Variants in CREB5 observed in about 807,000 individuals in gnomAD.
The protein encoded by CREB5 is cyclic AMP-responsive element-binding protein 5.
A neutral mutation model predicts 57.1 loss-of-function variants in CREB5; 19 were observed. The ratio of observed to expected loss-of-function variants is 0.33; its 90% CI spans 0.23 to 0.49. CREB5 has a LOEUF of 0.49. CREB5 is among the 20% of genes least tolerant of loss of function. The probability of loss-of-function intolerance (pLI) is 0.99; values close to 1 mark genes in which losing one functional copy is unlikely to be tolerated. For synonymous variants in CREB5, 238 were observed against 238.3 expected (o/e 1.00, Z 0.01); for missense variants, 579 against 671.6 (o/e 0.86, Z 1.52).
intron 5 of CREB5, among the ~76,000 whole-genome samples, chr7:28,703,472 G>GAT (rs1195500139): frequency 2.6e-5 from 4 of 152,056 alleles, no homozygotes; most frequent in African/African-American, 9.7e-5. Context: ...AAGAGAGAGA[G>GAT]ATATATGGTT....
At chr7:28,390,972 C>G (rs1231190719) in intron 1 of CREB5, among the ~76,000 whole-genome samples, 2 of 152,056 alleles carry the variant, frequency 1.3e-5, no homozygotes, top group Non-Finnish European at 2.9e-5. Flanking sequence ...ATGTATAGCA[C>G]TTTCCTCCTG....
At chr7:28,726,604 A>C (rs531800160) in intron 7 of CREB5, 1 of 152,190 alleles carries the variant, frequency 6.6e-6, no homozygotes, top group African/African-American at 2.4e-5. Flanking sequence ...TTGTTGTTCT[A>C]TGCCTAATTT....
rs79722999 is a variant in CREB5, at chr7:28,314,537, G to A, written c.-25+15096G>A. On this transcript the variant is annotated intron_variant, in intron 1 of 9. Coordinates refer to the CREB5 transcript ENST00000396299. ...TCATTGTCTGGTCAAAACCAGGAGA[G>A]TAACATCTGCCACACAGATTATTGT... is the stretch of plus-strand genomic sequence containing the variant. Among the ~76,000 whole-genome samples the A allele has an allele frequency of 8.2e-3, 1,249 of 152,278 alleles. 11 individuals carry two copies. Among genetic ancestry groups the A allele is most frequent in the Non-Finnish European group, 0.013 (881 of 68,022 alleles).
At chr7:28,772,165 T>C (rs1473523090) in intron 7 of CREB5, among the ~76,000 whole-genome samples, 1 of 152,194 alleles carries the variant, frequency 6.6e-6, no homozygotes, top group Non-Finnish European at 1.5e-5. Flanking sequence ...TGGTGGAGTT[T>C]CCTGAATTTG....
At chr7:28,588,231 A>G (rs1204103438) in intron 5 of CREB5, among the ~76,000 whole-genome samples, 1 of 152,206 alleles carries the variant, frequency 6.6e-6, no homozygotes, top group African/African-American at 2.4e-5. Flanking sequence ...ACTTGAATAC[A>G]GTATGTAGGA....
At chr7:28,421,060 T>A (rs527866114) in intron 1 of CREB5, among the ~76,000 whole-genome samples, 5 of 152,162 alleles carry the variant, frequency 3.3e-5, no homozygotes, top group Admixed American at 6.5e-5. Context: ...TATGTAGCAG[T>A]GAAGTCTGGG....
At chr7:28,545,794 C>T (rs983695199) in intron 4 of CREB5, among the ~76,000 whole-genome samples, 10 of 151,828 alleles carry the variant, frequency 6.6e-5, no homozygotes, top group African/African-American at 2.4e-4. Context: ...TCTTCTTCTG[C>T]ATGGATCCAT....
chr7:28,549,081 C>A (rs1794523745), intron 4 of CREB5, among the ~76,000 whole-genome samples: 1 of 152,150 alleles, frequency 6.6e-6, no homozygotes. Flanking sequence ...CTGTTGGGCT[C>A]TGCACAATTT....
At chr7:28,577,607 A>G (rs1795952675) in intron 5 of CREB5, among the ~76,000 whole-genome samples, 1 of 152,208 alleles carries the variant, frequency 6.6e-6, no homozygotes, top group Non-Finnish European at 1.5e-5. Flanking sequence ...GCCCCAGGTC[A>G]TAGTGATAAT....
In CREB5 at chr7:28,541,873, T is replaced by C. The variant is rs186474105; in HGVS notation, c.292-28492T>C. Reference sequence around the variant, plus strand: ...TCTACTGTGGTTGAAAAGGTCATTGTTGTTGTTCTTTATGCTCAATTCAAA... The same window carrying C: ...TCTACTGTGGTTGAAAAGGTCATTGCTGTTGTTCTTTATGCTCAATTCAAA... On this transcript the variant is annotated intron_variant, in intron 4 of 10. Transcript: ENST00000357727. 1.0e-3 allele frequency among the ~76,000 whole-genome samples: 157 copies of C among 152,336 alleles called. 1 individual carries two copies. The highest frequency in any genetic ancestry group is 1.8e-4 in the Non-Finnish European group (12 of 68,022).
chr7:28,493,671 G>A (rs1474780969), intron 2 of CREB5, among the ~76,000 whole-genome samples: 2 of 152,126 alleles, frequency 1.3e-5, no homozygotes, highest in African/African-American at 4.8e-5. Context: ...TCAATGGGCA[G>A]AACTAGTCAC....
chr7:28,452,514 TTAACTA>T (rs1479712010), intron 1 of CREB5, among the ~76,000 whole-genome samples: 1 of 152,138 alleles, frequency 6.6e-6, no homozygotes, highest in Non-Finnish European at 1.5e-5. Flanking sequence ...TAAAAAGCGT[TTAACTA>T]TAAAGACTTG....
intron 1 of CREB5, among the ~76,000 whole-genome samples, chr7:28,336,945 A>G (rs1401394999): frequency 6.6e-6 from 1 of 152,050 alleles, no homozygotes; most frequent in Non-Finnish European, 1.5e-5. Flanking sequence ...TAACTTCTTC[A>G]TTGACTCACT....
At chr7:28,601,792 A>G (rs1796929157) in intron 5 of CREB5, among the ~76,000 whole-genome samples, 1 of 152,180 alleles carries the variant, frequency 6.6e-6, no homozygotes, top group South Asian at 2.1e-4. Flanking sequence ...TTGTTAATTC[A>G]GTTCTTCTAT....
chr7:28,407,515 C>G (rs1278729687), intron 1 of CREB5, among the ~76,000 whole-genome samples: 1 of 152,150 alleles, frequency 6.6e-6, no homozygotes, highest in Non-Finnish European at 1.5e-5. Context: ...CTAATAAATA[C>G]CTCTTCTTTT....
At chr7:28,589,466 A>G (rs891216177) in intron 5 of CREB5, among the ~76,000 whole-genome samples, 3 of 152,152 alleles carry the variant, frequency 2.0e-5, no homozygotes, top group Non-Finnish European at 4.4e-5. Flanking sequence ...AGGCAGGAGA[A>G]TGGTGTGAAC....
At chr7:28,552,280 C>T (rs1794705236) in intron 4 of CREB5, among the ~76,000 whole-genome samples, 1 of 152,192 alleles carries the variant, frequency 6.6e-6, no homozygotes, top group South Asian at 2.1e-4. Flanking sequence ...TCGAGCAATC[C>T]ACCTGCCTTG....
chr7:28,613,553 TG>T (rs1276732025), intron 5 of CREB5, among the ~76,000 whole-genome samples: 1 of 152,256 alleles, frequency 6.6e-6, no homozygotes, highest in Non-Finnish European at 1.5e-5. Context: ...ACCTTAGATT[TG>T]GGTTTCTGAA....
intron 5 of CREB5, among the ~76,000 whole-genome samples, chr7:28,699,208 G>A (rs531887930): frequency 1.1e-4 from 16 of 148,452 alleles, no homozygotes; most frequent in African/African-American, 2.7e-4. Context: ...AAGAAAGGGC[G>A]TATTCAGTGA....
Sources: allele counts gnomAD v4.1 joint callset (sites outside exome capture counted in the v4.1 genomes callset), GRCh38; gene constraint gnomAD v4.1.1; transcripts MANE v1.5; gene names NCBI Gene and HGNC (gene_info 2026-07-23, HGNC 2026-07-21).